FRMD4A: variants seen among roughly 807,000 people sequenced by gnomAD.
FRMD4A encodes FERM domain-containing protein 4A.
Under a neutral mutation model 129.1 loss-of-function variants are expected in FRMD4A, and 29 were observed. The observed-to-expected ratio is 0.22, with a 90% CI of 0.17 to 0.31. The LOEUF (loss-of-function observed/expected upper bound fraction) is 0.31, where lower values mean the gene tolerates loss of function less well. FRMD4A is among the 10% of genes least tolerant of loss of function. The pLI, the probability that FRMD4A is intolerant of heterozygous loss-of-function variation, is 1.00. For missense variants in FRMD4A, 1,272 were observed against 1,375.8 expected, an observed-to-expected ratio of 0.92 and a Z score of 1.19; for synonymous variants, 634 against 571.6, an observed-to-expected ratio of 1.11 and a Z score of -1.56.
intron 6 of FRMD4A, among the ~76,000 whole-genome samples, chr10:13,780,028 T>A (rs372034324): frequency 5.3e-5 from 8 of 152,126 alleles, no homozygotes; most frequent in African/African-American, 9.7e-5. Context: ...GTTTCTTTTT[T>A]AAAATGTTCT....
At chr10:14,317,819 A>T (rs192662894) in intron 2 of FRMD4A, among the ~76,000 whole-genome samples, 423 of 151,490 alleles carry the variant, frequency 2.8e-3, no homozygotes, top group Non-Finnish European at 5.4e-3. Flanking sequence ...AGGCCAAAGG[A>T]GTCCAAAAAA....
At chr10:13,735,535 A>G (rs1340557186) in intron 12 of FRMD4A, among the ~76,000 whole-genome samples, 4 of 152,188 alleles carry the variant, frequency 2.6e-5, no homozygotes, top group Non-Finnish European at 5.9e-5. Context: ...CCTGTTTTAC[A>G]TACATCAAGT....
intron 2 of FRMD4A, among the ~76,000 whole-genome samples, chr10:14,298,039 T>G (rs1325206563): frequency 1.3e-5 from 2 of 152,198 alleles, no homozygotes; most frequent in Non-Finnish European, 2.9e-5. Flanking sequence ...CCAATGCCTG[T>G]TTTTGTAAAT....
chr10:13,719,096 C>T (rs2089161039), intron 12 of FRMD4A, among the ~76,000 whole-genome samples: 1 of 152,150 alleles, frequency 6.6e-6, no homozygotes, highest in East Asian at 1.9e-4. Flanking sequence ...ACACTTGAGC[C>T]CTCCTCTGTC....
At chr10:14,226,643 G>A (rs1326997) in intron 2 of FRMD4A, among the ~76,000 whole-genome samples, 8,927 of 152,098 alleles carry the variant, frequency 0.059, 355 homozygotes, top group South Asian at 0.17. Context: ...AAACTTGCCC[G>A]TGTTCTAAGG....
intron 13 of FRMD4A, among the ~76,000 whole-genome samples, chr10:13,705,176 C>T (rs961686688): frequency 7.2e-5 from 11 of 152,170 alleles, no homozygotes; most frequent in Admixed American, 2.0e-4. Context: ...CCACAGCACC[C>T]GACAAGGACA....
intron 2 of FRMD4A, among the ~76,000 whole-genome samples, chr10:14,099,877 T>C (rs1486146541): frequency 6.6e-6 from 1 of 152,230 alleles, no homozygotes; most frequent in African/African-American, 2.4e-5. Flanking sequence ...TCTTCCAGTC[T>C]CAGCTTACCA....
chr10:13,683,652 T>C (rs2084820503), intron 15 of FRMD4A, among the ~76,000 whole-genome samples: 1 of 150,856 alleles, frequency 6.6e-6, no homozygotes, highest in East Asian at 2.0e-4. Context: ...AGGTGGAAGG[T>C]GGAACCCACA....
At chr10:13,975,923 C>T (rs943450032) in intron 2 of FRMD4A, among the ~76,000 whole-genome samples, 1 of 152,210 alleles carries the variant, frequency 6.6e-6, no homozygotes, top group African/African-American at 2.4e-5. Flanking sequence ...CTCTCTTCAT[C>T]ACTTTCCTTA....
At chr10:14,287,541 A>G (rs2132070170) in intron 2 of FRMD4A, among the ~76,000 whole-genome samples, 1 of 152,364 alleles carries the variant, frequency 6.6e-6, no homozygotes, top group East Asian at 1.9e-4. Context: ...GGATCCAAAG[A>G]GTAAGATGTC....
Position 13,924,083 on chromosome 10 carries a change from T to G in FRMD4A, c.46-65171A>C, listed in dbSNP as rs77338355. Among the ~76,000 whole-genome samples, 1,887 of 152,268 alleles carry G rather than the reference T, an allele frequency of 0.012. 87 individuals carry two copies. The East Asian group carries it at 0.16, about 13-fold the overall frequency. The stretch of plus-strand genomic sequence containing the variant: ...GCGCATCTAAAGTTAAGAAGAAGCT[T>G]TTTAAGATCTTGAAGCTGTTATTCC... On this transcript the variant is annotated intron_variant, in intron 2 of 24. Transcript: ENST00000357447.
intron 12 of FRMD4A, chr10:13,707,929 G>A (rs2087635475): frequency 4.1e-6 from 4 of 980,256 alleles, no homozygotes; most frequent in Non-Finnish European, 4.8e-6. Flanking sequence ...AAGTAATTAG[G>A]GCTGCATCCA....
At chr10:14,057,044 G>C (rs1377145938) in intron 2 of FRMD4A, among the ~76,000 whole-genome samples, 2 of 152,074 alleles carry the variant, frequency 1.3e-5, no homozygotes, top group African/African-American at 4.8e-5. Flanking sequence ...TATCTCTTCT[G>C]GCTTGTCACA....
chr10:13,827,814 G>T (rs1005996194), intron 3 of FRMD4A, among the ~76,000 whole-genome samples: 4 of 152,216 alleles, frequency 2.6e-5, no homozygotes, highest in African/African-American at 9.7e-5. Context: ...ACGCCAGGAG[G>T]AGTGGGAGAG....
intron 2 of FRMD4A, among the ~76,000 whole-genome samples, chr10:14,027,881 G>A (rs547438210): frequency 2.0e-4 from 30 of 152,328 alleles, no homozygotes; most frequent in Admixed American, 9.8e-4. Flanking sequence ...TAGTGTATGC[G>A]GATGTCACCC....
intron 2 of FRMD4A, among the ~76,000 whole-genome samples, chr10:14,195,269 TAGAAATGGGGCAAGAACC>T (rs972091161): frequency 4.6e-5 from 7 of 152,154 alleles, no homozygotes; most frequent in Non-Finnish European, 1.0e-4. Context: ...TCCAGTAAGT[TAGAAATGGGGCAAGAACC>T]AGAAACCGAA....
chr10:14,230,932 G>A (rs1432021582), intron 2 of FRMD4A, among the ~76,000 whole-genome samples: 1 of 152,182 alleles, frequency 6.6e-6, no homozygotes, highest in African/African-American at 2.4e-5. Context: ...ATGGCCTCCA[G>A]CTGCATCCAT....
At chr10:13,822,288 G>T (rs1204689598) in intron 3 of FRMD4A, among the ~76,000 whole-genome samples, 1 of 152,186 alleles carries the variant, frequency 6.6e-6, no homozygotes, top group Non-Finnish European at 1.5e-5. Flanking sequence ...TAACCACGAT[G>T]TACAATAGAT....
chr10:13,955,772 A>G (rs751723600), intron 2 of FRMD4A, among the ~76,000 whole-genome samples: 1 of 152,258 alleles, frequency 6.6e-6, no homozygotes, highest in Non-Finnish European at 1.5e-5. Context: ...ACTGTGTTCC[A>G]TATGTGGAGA....
Sources: allele counts gnomAD v4.1 joint callset (sites outside exome capture counted in the v4.1 genomes callset), GRCh38; gene constraint gnomAD v4.1.1; transcripts MANE v1.5; gene names NCBI Gene and HGNC (gene_info 2026-07-23, HGNC 2026-07-21).